Variants in COCH observed in about 807,000 individuals in gnomAD.
COCH encodes the protein coagulation factor C homolog, cochlin (Limulus polyphemus).
A neutral mutation model predicts 54.8 loss-of-function variants in COCH; 40 were observed. That is an observed-to-expected ratio of 0.73 (90% confidence interval 0.57 to 0.95). The LOEUF (loss-of-function observed/expected upper bound fraction) is 0.95, where lower values mean the gene tolerates loss of function less well. COCH is among the 40% of genes least tolerant of loss of function. The pLI is 0.00. For missense variants in COCH, 605 were observed against 675.0 expected (o/e 0.90, Z 1.15); for synonymous variants, 256 against 237.9 (o/e 1.08, Z -0.70).
At chr14:30,875,124 G>A (rs1895307997) in intron 3 of COCH, 21 bp downstream of exon 3, 5 of 1,552,590 alleles carry the variant, frequency 3.2e-6, no homozygotes, top group Non-Finnish European at 4.3e-6. Context: ...GAGCTGGGGT[G>A]CGTCCAGGCG....
intron 8 of COCH, among the ~76,000 whole-genome samples, chr14:30,882,355 C>G (rs1300785461): frequency 1.3e-5 from 2 of 151,740 alleles, no homozygotes; most frequent in South Asian, 2.1e-4. Flanking sequence ...GTCTCGAGCT[C>G]CTGACCTCAG....
chr14:30,875,228 T>G (rs1270155177), intron 3 of COCH, 125 bp downstream of exon 3: 1 of 1,341,734 alleles, frequency 7.5e-7, no homozygotes, highest in African/African-American at 1.5e-5. Context: ...GCGCGAAGGT[T>G]GAGCCGCCGC....
At chr14:30,886,425 C>A (rs1434419873) in intron 11 of COCH, 113 bp downstream of exon 11, 1 of 1,121,588 alleles carries the variant, frequency 8.9e-7, no homozygotes, top group Non-Finnish European at 1.3e-6. Context: ...GTGGCTTTAC[C>A]CAATATTAAC....
Position 30,890,604 on chromosome 14 carries a change from A to G in COCH, c.*813A>G, listed in dbSNP as rs1895949156. The G allele has an allele frequency of 4.1e-6, 4 of 971,620 alleles. No individual in the cohort carries two copies. The highest frequency in any genetic ancestry group is 3.7e-6 in the Non-Finnish European group (3 of 817,162). 60.2% of individuals were successfully genotyped at this position (971,620 alleles called of 1,614,324 possible). A position where few individuals can be genotyped will look rare whatever the true frequency, so the allele number is the denominator to read the frequency against. On this transcript the variant is annotated 3_prime_UTR_variant, in exon 12 of 12. Transcript: ENST00000396618. Reference sequence around the variant, plus strand: ...TGAATATTTAAGCAATAAAACTGCTAGTGAGTTATTGTAAGCTGGCTTACT... The same window carrying G: ...TGAATATTTAAGCAATAAAACTGCTGGTGAGTTATTGTAAGCTGGCTTACT...
chr14:30,892,320 T>A (rs1351332632), downstream of COCH, among the ~76,000 whole-genome samples: 1 of 152,208 alleles, frequency 6.6e-6, no homozygotes, highest in East Asian at 1.9e-4. Flanking sequence ...GTTTATGCAT[T>A]CCAATAATCA....
chr14:30,885,746 G>A, intron 10 of COCH, 50 bp from the exon 11 acceptor site: 1 of 1,607,860 alleles, frequency 6.2e-7, no homozygotes, highest in Non-Finnish European at 8.5e-7. Context: ...TTTTTAAGAA[G>A]AAACAACTTT....
chr14:30,885,658 G>A (rs757258736), intron 10 of COCH, 38 bp downstream of exon 10: 27 of 1,470,818 alleles, frequency 1.8e-5, no homozygotes, highest in Non-Finnish European at 2.4e-5. Flanking sequence ...ACAGTGATGG[G>A]TATTCCATTT....
At chr14:30,894,908 T>C, downstream of COCH, 1 of 1,054,582 alleles carries the variant, frequency 9.5e-7, no homozygotes, top group Non-Finnish European at 1.2e-6. Flanking sequence ...TTTTTTTTTT[T>C]AAAGCAAAAT....
intron 8 of COCH, among the ~76,000 whole-genome samples, chr14:30,884,044 C>G (rs1476216560): frequency 1.3e-5 from 2 of 152,198 alleles, no homozygotes; most frequent in Non-Finnish European, 1.5e-5. Context: ...AGACCCTAGT[C>G]TCATACCCAG....
intron 1 of COCH, 40 bp downstream of exon 1, chr14:30,874,631 C>T (rs1480654502): frequency 9.3e-6 from 5 of 540,184 alleles, no homozygotes; most frequent in South Asian, 2.1e-5. Context: ...GCGAGGGATC[C>T]CTGACGCCTC....
chr14:30,892,832 C>T (rs540891151), downstream of COCH, among the ~76,000 whole-genome samples: 1 of 149,262 alleles, frequency 6.7e-6, no homozygotes, highest in African/African-American at 2.4e-5. Context: ...AAACAAAAAA[C>T]TTGAAAAGTT....
At chr14:30,878,700 T>G (rs960541174) in intron 4 of COCH, 111 bp from the exon 5 acceptor site, 6 of 1,453,900 alleles carry the variant, frequency 4.1e-6, no homozygotes, top group Admixed American at 3.7e-5. Context: ...ACTTCCCTGA[T>G]GAGCTATTTT....
intron 8 of COCH, among the ~76,000 whole-genome samples, chr14:30,882,126 T>G (rs985698472): frequency 3.0e-5 from 3 of 99,608 alleles, no homozygotes; most frequent in Non-Finnish European, 2.1e-5. Flanking sequence ...AATGGTTTTT[T>G]TTTTTTTTTT....
At chr14:30,876,134 T>G (rs540115490) in intron 3 of COCH, 2 of 152,302 alleles carry the variant, frequency 1.3e-5, no homozygotes, top group East Asian at 3.9e-4. Flanking sequence ...AAAAAAAGGT[T>G]TTTAAAATTA....
At position 30,885,914 on chromosome 14, in the gene COCH, A is replaced by T. The variant is rs967485766; in HGVS notation, c.1079A>T (p.Lys360Met). The T allele has an allele frequency of 2.5e-6, 4 of 1,614,120 alleles. No individual in the cohort carries two copies. In the African/African-American group the frequency reaches 5.3e-5, roughly 22 times the overall value. Reference protein sequence around the residue: ...LCTHEQMMCSKTCYNSVNIAF... With the variant: ...LCTHEQMMCSMTCYNSVNIAF... Reference sequence around the variant, plus strand: ...ACTCATGAACAAATGATGTGCAGCAAGACCTGTTATAACTCAGTGAACATT... The same window carrying T: ...ACTCATGAACAAATGATGTGCAGCATGACCTGTTATAACTCAGTGAACATT... Residue 360 changes from lysine (K) to methionine (M), a missense_variant, in exon 11 of 12, where the codon AAG becomes ATG. Physicochemically the swap from Lys to Met is moderately conservative, Grantham distance 95. Transcript: ENST00000396618.
chr14:30,880,788 C>T (rs376922057), intron 8 of COCH, 54 bp downstream of exon 8: 7 of 1,301,566 alleles, frequency 5.4e-6, no homozygotes, highest in African/African-American at 4.4e-5. Flanking sequence ...TTGTAATTGA[C>T]ACATAATAAT....
intron 1 of COCH, 103 bp downstream of exon 1, chr14:30,874,694 C>G: frequency 1.7e-6 from 1 of 598,178 alleles, no homozygotes; most frequent in Non-Finnish European, 3.0e-6. Flanking sequence ...TTGGCGCCCC[C>G]GCCTCCCCGC....
At chr14:30,884,130 C>A (rs1594381705) in intron 8 of COCH, among the ~76,000 whole-genome samples, 1 of 152,164 alleles carries the variant, frequency 6.6e-6, no homozygotes, top group African/African-American at 2.4e-5. Flanking sequence ...CTGAGCCAAG[C>A]CCGATTTCAA....
intron 8 of COCH, among the ~76,000 whole-genome samples, chr14:30,882,067 CA>C (rs1398297723): frequency 1.5e-5 from 2 of 132,116 alleles, no homozygotes; most frequent in African/African-American, 5.8e-5. Context: ...ACATAGAGCA[CA>C]AAAAAAGAAA....
Sources: allele counts gnomAD v4.1 joint callset (sites outside exome capture counted in the v4.1 genomes callset), GRCh38; gene constraint gnomAD v4.1.1; transcripts MANE v1.5; gene names NCBI Gene and HGNC (gene_info 2026-07-23, HGNC 2026-07-21).